YME1L1: variants seen among roughly 807,000 people sequenced by gnomAD.
YME1L1 encodes the protein YME1 like 1 ATPase.
YME1L1 carries 39 observed loss-of-function variants against 90.4 expected under a neutral mutation model. The ratio of observed to expected loss-of-function variants is 0.43; its 90% CI spans 0.33 to 0.56. The LOEUF (loss-of-function observed/expected upper bound fraction) is 0.56. Among genes scored for constraint, YME1L1 ranks in the 20% least tolerant of loss-of-function variants. The pLI is 0.03. For synonymous variants in YME1L1, 284 were observed against 287.3 expected, an observed-to-expected ratio of 0.99 and a Z score of 0.12; for missense variants, 617 against 868.4, an observed-to-expected ratio of 0.71 and a Z score of 3.64.
At chr10:27,114,715 AG>A in intron 17 of YME1L1, 108 bp from the exon 18 acceptor site, 1 of 733,384 alleles carries the variant, frequency 1.4e-6, no homozygotes, top group Non-Finnish European at 2.2e-6. Flanking sequence ...ATGGGGGACA[AG>A]AAAGAAGTAC....
At chr10:27,152,431 C>CTA (rs1294360132) in intron 1 of YME1L1, among the ~76,000 whole-genome samples, 1 of 152,196 alleles carries the variant, frequency 6.6e-6, no homozygotes, top group Non-Finnish European at 1.5e-5. Flanking sequence ...AGAGTCCTCA[C>CTA]TATATTTGAG....
At chr10:27,142,638 T>A (rs995223598) in intron 3 of YME1L1, among the ~76,000 whole-genome samples, 153 bp from the exon 4 acceptor site, 1 of 152,252 alleles carries the variant, frequency 6.6e-6, no homozygotes, top group Non-Finnish European at 1.5e-5. Flanking sequence ...TATGAAAGTA[T>A]CTAAAGCATC....
intron 4 of YME1L1, among the ~76,000 whole-genome samples, chr10:27,138,927 T>C (rs901644653): frequency 2.0e-5 from 3 of 152,140 alleles, no homozygotes; most frequent in African/African-American, 7.2e-5. Context: ...CTAAGAGTTT[T>C]CAGGAAGCAC....
At chr10:27,122,035 G>A (rs1564457706) in intron 11 of YME1L1, among the ~76,000 whole-genome samples, 1 of 151,942 alleles carries the variant, frequency 6.6e-6, no homozygotes, top group Non-Finnish European at 1.5e-5. Context: ...TGTGCCCGGT[G>A]ACTGTTTTTA....
chr10:27,131,798 C>A (rs1320538990), intron 8 of YME1L1, 61 bp downstream of exon 8: 21 of 1,274,296 alleles, frequency 1.6e-5, no homozygotes, highest in South Asian at 1.1e-4. Flanking sequence ...CAAATATCGA[C>A]CTCATATAGA....
rs116757976 is a variant in YME1L1, at chr10:27,147,762, T to C, written c.168+1144A>G. On this transcript the variant is annotated intron_variant, in intron 2 of 18. Coordinates refer to ENST00000376016, the MANE Select transcript of YME1L1 (RefSeq NM_014263.4). ...CGTGGTTTCTATAGCATCTGGCTCC[T>C]GTCAATTGTGCAGTTTCACCAAACC... is the stretch of plus-strand genomic sequence containing the variant. The C allele has an allele frequency of 1.8e-3, 2,656 of 1,500,562 alleles. 48 individuals are homozygous for C. In the African/African-American group the frequency reaches 0.034, roughly 19 times the overall value. The allele number at this position is 1,500,562 out of a possible 1,614,324, so 93.0% of individuals were successfully genotyped here.
intron 17 of YME1L1, among the ~76,000 whole-genome samples, chr10:27,115,756 G>A (rs1414560737): frequency 2.6e-5 from 4 of 152,138 alleles, no homozygotes; most frequent in Admixed American, 6.5e-5. Flanking sequence ...GAGGGAAACA[G>A]TAAAGTAACC....
At chr10:27,139,192 C>CATAT (rs1312636618) in intron 4 of YME1L1, among the ~76,000 whole-genome samples, 52 of 151,870 alleles carry the variant, frequency 3.4e-4, no homozygotes, top group African/African-American at 1.2e-3. Context: ...CAGATACATA[C>CATAT]ATATATACAT....
intron 1 of YME1L1, 125 bp downstream of exon 1, chr10:27,154,053 G>A (rs2057276193): frequency 8.0e-7 from 1 of 1,249,008 alleles, no homozygotes; most frequent in Non-Finnish European, 1.1e-6. Context: ...TCAATCCTGG[G>A]ATTCGCATTG....
At chr10:27,146,305 A>T (rs1165776673) in intron 2 of YME1L1, 1 of 152,208 alleles carries the variant, frequency 6.6e-6, no homozygotes, top group Non-Finnish European at 1.5e-5. Context: ...AAAGTTACCC[A>T]TATCTTCTAA....
chr10:27,148,200 T>C (rs1209503546), intron 2 of YME1L1, among the ~76,000 whole-genome samples: 2 of 88,840 alleles, frequency 2.3e-5, no homozygotes, highest in Admixed American at 1.0e-4. Context: ...TACATTTTTA[T>C]ATTTATTTAT....
At chr10:27,112,474 C>G (rs1292657893) in intron 18 of YME1L1, among the ~76,000 whole-genome samples, 1 of 152,162 alleles carries the variant, frequency 6.6e-6, no homozygotes, top group Non-Finnish European at 1.5e-5. Context: ...TAAGCCCTCT[C>G]AAGTGCTATT....
chr10:27,151,440 T>C (rs2057214705), intron 1 of YME1L1, among the ~76,000 whole-genome samples: 1 of 152,224 alleles, frequency 6.6e-6, no homozygotes, highest in African/African-American at 2.4e-5. Flanking sequence ...ACTAACGCCA[T>C]TATTGTGGGT....
At chr10:27,123,761 C>T (rs1010249773) in intron 9 of YME1L1, 62 bp from the exon 10 acceptor site, 1 of 1,481,132 alleles carries the variant, frequency 6.8e-7, no homozygotes, top group Non-Finnish European at 9.1e-7. Context: ...CGATATGAAC[C>T]TATAAAATAA....
At position 27,137,342 on chromosome 10, in the gene YME1L1, C is replaced by G. The variant is rs773366557; in HGVS notation, c.431-957G>C. 2.3e-4 allele frequency among the ~76,000 whole-genome samples: 35 copies of G among 152,310 alleles called. 1 individual carries two copies. The highest frequency in any genetic ancestry group is 1.4e-3 in the Admixed American group (22 of 15,286). ...GCATTCAGTTTAATGGCTGTTTACACTTTTCCAATTTATCACAGTGCAATT... is the reference window on the plus strand; with the variant it reads ...GCATTCAGTTTAATGGCTGTTTACAGTTTTCCAATTTATCACAGTGCAATT... On this transcript the variant is annotated intron_variant, in intron 4 of 18. Transcript: ENST00000376016.
chr10:27,117,891 A>G (rs1211333404), intron 14 of YME1L1, among the ~76,000 whole-genome samples, 164 bp from the exon 15 acceptor site: 1 of 152,228 alleles, frequency 6.6e-6, no homozygotes, highest in African/African-American at 2.4e-5. Flanking sequence ...AAGAGGAACA[A>G]TAAAAAATAA....
At chr10:27,120,869 CT>C (rs2056860319) in intron 12 of YME1L1, among the ~76,000 whole-genome samples, 1 of 152,176 alleles carries the variant, frequency 6.6e-6, no homozygotes, top group African/African-American at 2.4e-5. Context: ...TCCATCTCAA[CT>C]GCTAAGTACA....
chr10:27,127,109 G>C (rs2056928195), intron 8 of YME1L1, among the ~76,000 whole-genome samples: 1 of 152,148 alleles, frequency 6.6e-6, no homozygotes, highest in African/African-American at 2.4e-5. Flanking sequence ...TCTAAAACAT[G>C]AAACATAGCT....
Position 27,154,377 on chromosome 10 carries a change from C to G in YME1L1, c.-167G>C, listed in dbSNP as rs746488325. On this transcript the variant is annotated 5_prime_UTR_variant, in exon 1 of 19. Transcript: ENST00000376016. ...CCTCCCCTTCCTACAGCTACTGCAA[C>G]GACAGACAATCCGCCCCGGAAGGCG... 3 of 769,926 alleles carry G rather than the reference C, an allele frequency of 3.9e-6. No individual in the cohort carries two copies. Among genetic ancestry groups the G allele is most frequent in the Non-Finnish European group, 6.2e-6 (3 of 483,078 alleles). 47.7% of individuals were successfully genotyped at this position (769,926 alleles called of 1,614,324 possible). A position where few individuals can be genotyped will look rare whatever the true frequency, so the allele number is the denominator to read the frequency against.
Sources: allele counts gnomAD v4.1 joint callset (sites outside exome capture counted in the v4.1 genomes callset), GRCh38; gene constraint gnomAD v4.1.1; transcripts MANE v1.5; gene names NCBI Gene and HGNC (gene_info 2026-07-23, HGNC 2026-07-21).